The following PXT1 variants were observed in gnomAD, a reference collection of about 807,000 sequenced individuals.
PXT1 encodes peroxisomal testis enriched protein 1.
In PXT1, 11 loss-of-function variants were observed where a neutral mutation model predicts 11.0. The ratio of observed to expected loss-of-function variants is 1.00; its 90% CI spans 0.63 to 1.66. The LOEUF (loss-of-function observed/expected upper bound fraction) is 1.66, where lower values mean the gene tolerates loss of function less well. Ranked by LOEUF, PXT1 falls within the 40% of genes most tolerant of loss-of-function variation. PXT1 has a pLI of 0.00. For synonymous variants in PXT1, 43 were observed against 51.4 expected, an observed-to-expected ratio of 0.84 and a Z score of 0.70; for missense variants, 141 against 155.5, an observed-to-expected ratio of 0.91 and a Z score of 0.49.
In PXT1 at chr6:36,408,235, T is replaced by C. The variant is rs546711307; in HGVS notation, c.170-7651A>G. On this transcript the variant is annotated intron_variant, in intron 3 of 4. Transcript: ENST00000454782. ...CCTCAGGCTCCCAAAGTGCTTGGAT[T>C]ACACATGTGAGCCACCACGCCCAGC... Among the ~76,000 whole-genome samples the C allele has an allele frequency of 3.3e-5, 5 of 149,682 alleles. No individual in the cohort carries two copies. The East Asian group carries it at 1.0e-3, about 30-fold the overall frequency.
Position 36,405,914 on chromosome 6 carries a change from G to A in PXT1, c.170-5330C>T, listed in dbSNP as rs148547996. 3.4e-3 allele frequency among the ~76,000 whole-genome samples: 516 copies of A among 152,292 alleles called. 1 individual carries two copies. The highest frequency in any genetic ancestry group is 0.012 in the African/African-American group (490 of 41,564). ...TAGGAGCAACAGGCTATACCGTCTA[G>A]CCTAGGTGTGTAGTAGGCTATACTA... On this transcript the variant is annotated intron_variant, in intron 3 of 4. Transcript: ENST00000454782.
At position 36,423,738 on chromosome 6, in the gene PXT1, A is replaced by G. The variant is rs180976706; in HGVS notation, c.169+2176T>C. ...GAAACGCGCTGCTGCCTGAACAGAA[A>G]GGCAACCCAGGTGTCCTGGGCCAGA... On this transcript the variant is annotated intron_variant, in intron 3 of 4. Coordinates refer to ENST00000454782, the MANE Select transcript of PXT1 (RefSeq NM_152990.4). 4.2e-3 allele frequency among the ~76,000 whole-genome samples: 643 copies of G among 152,284 alleles called. 5 individuals are homozygous for G. Among genetic ancestry groups the G allele is most frequent in the African/African-American group, 0.014 (599 of 41,562 alleles).
chr6:36,408,728 T>C (rs1032990724), intron 3 of PXT1, among the ~76,000 whole-genome samples: 19 of 144,878 alleles, frequency 1.3e-4, no homozygotes, highest in African/African-American at 4.4e-4. Flanking sequence ...AAAAAAAAAT[T>C]GTTTTAATTA....
chr6:36,391,906 T>A, intron 4 of PXT1, 32 bp from the exon 5 acceptor site: 1 of 786,790 alleles, frequency 1.3e-6, no homozygotes, highest in Non-Finnish European at 1.7e-6. Context: ...CAGAGAAAGG[T>A]TTTTTTTTTT....
rs1025674931 is a variant in PXT1, at chr6:36,409,976, G to A, written c.170-9392C>T. Among the ~76,000 whole-genome samples the A allele has an allele frequency of 1.2e-3, 183 of 146,750 alleles. 1 individual carries two copies. Among genetic ancestry groups the A allele is most frequent in the African/African-American group, 4.1e-3 (161 of 39,374 alleles). On this transcript the variant is annotated intron_variant, in intron 3 of 4. Coordinates refer to ENST00000454782, the MANE Select transcript of PXT1 (RefSeq NM_152990.4). ...GAAAGGAAGAAAGAGAAAAAAGAAA[G>A]AAAGAAAGAAAGAAAAAGAAAAGGA... is the stretch of plus-strand genomic sequence containing the variant.
At position 36,437,382 on chromosome 6, in the gene PXT1, C is replaced by CA. The variant is rs1438477749; in HGVS notation, c.-10+1384dup. On this transcript the variant is annotated intron_variant, in intron 2 of 4. Transcript: ENST00000454782. ...ATGCCTGTAAAGGTCCTGCCCTCCA[C>CA]AAAAAAATTGTCCTACATTCTGTAT... Among the ~76,000 whole-genome samples, 3 of 152,082 alleles carry CA rather than the reference C, an allele frequency of 2.0e-5. No individual in the cohort carries two copies. In the East Asian group the frequency reaches 5.8e-4, roughly 29 times the overall value.
chr6:36,441,427 T>C (rs1432223802), intron 1 of PXT1, among the ~76,000 whole-genome samples: 1 of 152,178 alleles, frequency 6.6e-6, no homozygotes, highest in African/African-American at 2.4e-5. Flanking sequence ...ACAGCCTTCT[T>C]AGAGTCAGTC....
intron 3 of PXT1, among the ~76,000 whole-genome samples, chr6:36,409,555 G>A (rs1774336423): frequency 6.6e-6 from 1 of 152,206 alleles, no homozygotes; most frequent in Admixed American, 6.5e-5. Flanking sequence ...ACCAGGTAAG[G>A]TGGCTCAGGC....
At chr6:36,426,319 C>T (rs1029360739) in intron 2 of PXT1, among the ~76,000 whole-genome samples, 2 of 148,652 alleles carry the variant, frequency 1.3e-5, no homozygotes, top group Admixed American at 1.3e-4. Context: ...CGGCCTGCAT[C>T]CTTATCTCCC....
At chr6:36,434,851 A>T (rs577062473) in intron 2 of PXT1, among the ~76,000 whole-genome samples, 8 of 152,362 alleles carry the variant, frequency 5.3e-5, no homozygotes, top group African/African-American at 1.9e-4. Context: ...ATTGATTGCT[A>T]AAATTTGCTA....
intron 3 of PXT1, among the ~76,000 whole-genome samples, chr6:36,409,939 A>AAGAAAGAAAG (rs58373194): frequency 0.32 from 45,596 of 142,690 alleles, 7,767 homozygotes; most frequent in African/African-American, 0.44. Context: ...GGACGAAGGA[A>AAGAAAGAAAG]AGAAAGAAAG....
intron 3 of PXT1, among the ~76,000 whole-genome samples, chr6:36,408,592 T>A (rs80047437): frequency 0.1 from 9,070 of 88,538 alleles, 619 homozygotes; most frequent in East Asian, 0.29. Context: ...GAAAAAAAAA[T>A]TTTTTGTAGG....
intron 3 of PXT1, among the ~76,000 whole-genome samples, chr6:36,417,591 CAAA>C (rs70975157): frequency 1.1e-4 from 11 of 99,564 alleles, no homozygotes; most frequent in East Asian, 2.8e-4. Flanking sequence ...TTCGTCTCTA[CAAA>C]AAAAAAAAAA....
chr6:36,420,052 T>C (rs1389119414), intron 3 of PXT1, among the ~76,000 whole-genome samples: 2 of 152,156 alleles, frequency 1.3e-5, no homozygotes, highest in African/African-American at 2.4e-5. Flanking sequence ...AACAAGAAAA[T>C]CTATTTTTTA....
rs746089832 is a variant in PXT1, at chr6:36,400,567, G to A, written c.187C>T (p.Gln63Ter). Residue 63 changes from glutamine (Q) to a stop codon, truncating the protein, a stop_gained, in exon 4 of 5, where the codon CAG (glutamine) becomes TAG (stop). Coordinates refer to ENST00000454782, the MANE Select transcript of PXT1 (RefSeq NM_152990.4). LOFTEE classifies it high-confidence loss of function. ...TGAACAATGCTATGCTCCTTGGGCT[G>A]AGAAAGTAGATTATGATCTGCATTG... ...SRNPDHNLLSQPKEHSIVQKH... is the reference protein window; with the variant it reads ...SRNPDHNLLS 3 of 1,613,340 alleles carry A rather than the reference G, an allele frequency of 1.9e-6. No individual in the cohort carries two copies. Among genetic ancestry groups the A allele is most frequent in the South Asian group, 2.2e-5 (2 of 91,030 alleles).
In PXT1 at chr6:36,417,117, G is replaced by A. The variant is rs570934946; in HGVS notation, c.169+8797C>T. Among the ~76,000 whole-genome samples, 4 of 152,148 alleles carry A rather than the reference G, an allele frequency of 2.6e-5. No individual in the cohort carries two copies. The South Asian group carries it at 8.3e-4, about 32-fold the overall frequency. On this transcript the variant is annotated intron_variant, in intron 3 of 4. Transcript: ENST00000454782. ...TCCCAGCACTTTGGGAGGCCGAGGC[G>A]GGCAGATCACCTGAGGTCAGGAGTT...
chr6:36,430,652 C>T (rs1045761301), intron 2 of PXT1, among the ~76,000 whole-genome samples: 11 of 152,182 alleles, frequency 7.2e-5, no homozygotes, highest in Non-Finnish European at 1.2e-4. Flanking sequence ...TCATTTTAGA[C>T]TTCTGACCCC....
rs1186565039 is a variant in PXT1, at chr6:36,391,847, G to T, written c.328C>A (p.Leu110Ile). The T allele has an allele frequency of 2.5e-6, 4 of 1,612,154 alleles. No homozygotes were observed. The highest frequency in any genetic ancestry group is 3.4e-6 in the Non-Finnish European group (4 of 1,179,066). Residue 110 changes from leucine to isoleucine, a missense_variant, in exon 5 of 5, where the codon CTA becomes ATA. Transcript: ENST00000454782. Reference protein sequence around the residue: ...EDLQQDGRDALDHFVFFFFRR... With the variant: ...EDLQQDGRDAIDHFVFFFFRR... ...AAGAAAAAGAAGACAAAATGATCTA[G>T]TGCATCTCTGCCATCCTGTTGAAGA...
rs70975157 is a variant in PXT1 at position 36,417,591 on chromosome 6, C to CAAAA, written c.169+8319_169+8322dup. 1.3e-3 allele frequency among the ~76,000 whole-genome samples: 127 copies of CAAAA among 99,532 alleles called. 2 individuals are homozygous for CAAAA. The highest frequency in any genetic ancestry group is 5.1e-3 in the South Asian group (14 of 2,738). The allele number at this position is 99,532 out of a possible 152,430, so 65.3% of individuals were successfully genotyped here. ...GCAACATAGTGAGACTTCGTCTCTA[C>CAAAA]AAAAAAAAAAAAAAAAAAATCAAAA... On this transcript the variant is annotated intron_variant, in intron 3 of 4. Coordinates refer to ENST00000454782, the MANE Select transcript of PXT1 (RefSeq NM_152990.4).
Sources: allele counts gnomAD v4.1 joint callset (sites outside exome capture counted in the v4.1 genomes callset), GRCh38; gene constraint gnomAD v4.1.1; transcripts MANE v1.5; gene names NCBI Gene and HGNC (gene_info 2026-07-23, HGNC 2026-07-21).